Variants in ATRNL1 observed in about 807,000 individuals in gnomAD.
The protein encoded by ATRNL1 is attractin-like protein 1.
Under a neutral mutation model 182.7 loss-of-function variants are expected in ATRNL1, and 95 were observed. That is an observed-to-expected ratio of 0.52 (90% confidence interval 0.44 to 0.62). The LOEUF is 0.62. Ranked by LOEUF, ATRNL1 falls within the 20% of genes least tolerant of loss-of-function variation. ATRNL1 has a pLI of 0.00. For missense variants in ATRNL1, 1,471 were observed against 1,679.5 expected, an observed-to-expected ratio of 0.88 and a Z score of 2.17; for synonymous variants, 576 against 568.3, an observed-to-expected ratio of 1.01 and a Z score of -0.19.
chr10:115,538,322 C>T (rs1428348135), intron 25 of ATRNL1, among the ~76,000 whole-genome samples: 1 of 152,192 alleles, frequency 6.6e-6, no homozygotes, highest in Non-Finnish European at 1.5e-5. Flanking sequence ...CAGCAAAGCT[C>T]AGGGTTCCAG....
intron 27 of ATRNL1, among the ~76,000 whole-genome samples, chr10:115,841,051 T>C (rs1263656956): frequency 6.6e-6 from 1 of 152,174 alleles, no homozygotes; most frequent in East Asian, 1.9e-4. Context: ...ATTAAGATAA[T>C]TATTTAATAG....
intron 8 of ATRNL1, among the ~76,000 whole-genome samples, chr10:115,198,082 A>G (rs1362069330): frequency 6.6e-6 from 1 of 152,156 alleles, no homozygotes; most frequent in Non-Finnish European, 1.5e-5. Context: ...TTTAATTTTT[A>G]GGAGGCTTCA....
intron 10 of ATRNL1, among the ~76,000 whole-genome samples, chr10:115,255,288 G>C (rs1851071442): frequency 6.6e-6 from 1 of 152,112 alleles, no homozygotes; most frequent in African/African-American, 2.4e-5. Context: ...TCTTCCATTT[G>C]TTTGTGTCCT....
At chr10:115,616,032 T>C (rs2133790783) in intron 26 of ATRNL1, among the ~76,000 whole-genome samples, 1 of 152,244 alleles carries the variant, frequency 6.6e-6, no homozygotes, top group East Asian at 1.9e-4. Flanking sequence ...GAAGGAAAGT[T>C]TGGAACTTCC....
intron 26 of ATRNL1, among the ~76,000 whole-genome samples, chr10:115,669,009 AGAAG>A (rs1945607787): frequency 6.6e-6 from 1 of 152,116 alleles, no homozygotes. Flanking sequence ...TTCGTATTGT[AGAAG>A]GAAGAGAGCT....
At chr10:115,587,406 G>C (rs61881063) in intron 26 of ATRNL1, among the ~76,000 whole-genome samples, 2 of 150,316 alleles carry the variant, frequency 1.3e-5, no homozygotes, top group South Asian at 2.1e-4. Context: ...CTAGCAATCA[G>C]TGAGACTCCG....
intron 28 of ATRNL1, among the ~76,000 whole-genome samples, chr10:115,852,290 G>A (rs1015061478): frequency 2.0e-5 from 3 of 152,138 alleles, no homozygotes; most frequent in Admixed American, 6.5e-5. Flanking sequence ...AGTTTTCTAC[G>A]TTAGCCTTAG....
intron 24 of ATRNL1, among the ~76,000 whole-genome samples, chr10:115,487,231 A>G (rs11197241): frequency 0.72 from 109,062 of 152,008 alleles, 40,424 homozygotes; most frequent in African/African-American, 0.84. Context: ...GCTCTTTTTT[A>G]GTCCCATATG....
At chr10:115,925,190 C>A (rs1379974174) in intron 28 of ATRNL1, among the ~76,000 whole-genome samples, 1 of 152,128 alleles carries the variant, frequency 6.6e-6, no homozygotes, top group African/African-American at 2.4e-5. Flanking sequence ...ATGTCCTCTG[C>A]AAACAGAGAC....
In ATRNL1 at chr10:115,948,369, A is replaced by T. The variant is rs1265448507; in HGVS notation, c.*3590A>T. On this transcript the variant is annotated 3_prime_UTR_variant, in exon 29 of 29. Transcript: ENST00000355044. The stretch of plus-strand genomic sequence containing the variant: ...TTGAAAGGTGTCTTATATTTAAAAA[A>T]GATTGTAAAATGAAAACTGACCAAA... The T allele has an allele frequency of 6.6e-6, 1 of 152,208 alleles. No homozygotes were observed. The highest frequency in any genetic ancestry group is 1.9e-4 in the East Asian group (1 of 5,194). 9.4% of individuals were successfully genotyped at this position (152,208 alleles called of 1,614,324 possible). A position where few individuals can be genotyped will look rare whatever the true frequency, so the allele number is the denominator to read the frequency against.
chr10:115,668,558 ATCT>A lies in ATRNL1; in HGVS notation c.3796-58686_3796-58684del, dbSNP rs555153375. 1.4e-4 allele frequency among the ~76,000 whole-genome samples: 22 copies of A among 152,268 alleles called. 1 individual carries two copies. The South Asian group carries it at 3.9e-3, about 27-fold the overall frequency. ...CTGTAAGCCATTATTTCAAAATGAA[ATCT>A]TCTGATTTTGGTAACATCTGCAACC... On this transcript the variant is annotated intron_variant, in intron 26 of 28. Coordinates refer to ENST00000355044, the MANE Select transcript of ATRNL1 (RefSeq NM_207303.4).
intron 23 of ATRNL1, among the ~76,000 whole-genome samples, chr10:115,467,781 T>G (rs1848122669): frequency 6.6e-6 from 1 of 150,656 alleles, no homozygotes; most frequent in Admixed American, 6.6e-5. Flanking sequence ...AAATTTAAAT[T>G]ACTGACTTAA....
intron 9 of ATRNL1, among the ~76,000 whole-genome samples, chr10:115,232,108 C>T (rs1003565955): frequency 3.3e-5 from 5 of 152,098 alleles, no homozygotes; most frequent in African/African-American, 7.2e-5. Flanking sequence ...TATTGTTTCA[C>T]GACAGTTTGT....
chr10:115,908,376 G>A (rs544109651), intron 28 of ATRNL1, among the ~76,000 whole-genome samples: 39 of 151,934 alleles, frequency 2.6e-4, no homozygotes, highest in South Asian at 1.2e-3. Context: ...CCAGCTTTTC[G>A]AGGCTGCCTG....
intron 25 of ATRNL1, among the ~76,000 whole-genome samples, chr10:115,529,577 T>TA (rs1350632774): frequency 4.6e-5 from 7 of 151,290 alleles, no homozygotes; most frequent in African/African-American, 9.7e-5. Context: ...TAGTTTTTTT[T>TA]ATTTAATGAT....
In ATRNL1 at chr10:115,376,563, T is replaced by A. The variant is rs114290308; in HGVS notation, c.3176-18096T>A. Among the ~76,000 whole-genome samples, 1,308 of 152,314 alleles carry A rather than the reference T, an allele frequency of 8.6e-3. 17 individuals are homozygous for A. The highest frequency in any genetic ancestry group is 0.028 in the African/African-American group (1,162 of 41,564). ...TTGAAGATATGGGGTCTCGCTATGT[T>A]GCCCAGACTGATCTTGAACTCCTGG... On this transcript the variant is annotated intron_variant, in intron 19 of 28. Transcript: ENST00000355044.
intron 9 of ATRNL1, among the ~76,000 whole-genome samples, chr10:115,227,304 C>A (rs782276015): frequency 1.3e-5 from 2 of 151,992 alleles, no homozygotes; most frequent in African/African-American, 2.4e-5. Context: ...AAGTGCCCAA[C>A]AAACATGCAA....
At chr10:115,837,782 C>A (rs1388195370) in intron 27 of ATRNL1, among the ~76,000 whole-genome samples, 2 of 152,116 alleles carry the variant, frequency 1.3e-5, no homozygotes, top group Admixed American at 6.6e-5. Flanking sequence ...TGACTTCACC[C>A]AGGAGAGAAA....
intron 19 of ATRNL1, among the ~76,000 whole-genome samples, chr10:115,393,240 T>G (rs1844119482): frequency 6.6e-6 from 1 of 152,200 alleles, no homozygotes; most frequent in South Asian, 2.1e-4. Context: ...AACTTTTGTT[T>G]TAGTCTCTTC....
Sources: gnomAD v4.1 joint callset for allele counts (sites outside exome capture counted in the v4.1 genomes callset) on GRCh38, gnomAD v4.1.1 for gene constraint, MANE v1.5 for transcripts, NCBI Gene and HGNC (gene_info 2026-07-23, HGNC 2026-07-21) for gene names.